INTS6: variants seen among roughly 807,000 people sequenced by gnomAD.
The protein encoded by INTS6 is DEAD box protein.
INTS6 carries 16 observed loss-of-function variants against 104.9 expected under a neutral mutation model. The observed-to-expected ratio is 0.15, with a 90% CI of 0.10 to 0.23. The LOEUF is 0.23. INTS6 is among the 10% of genes least tolerant of loss of function. The pLI is 1.00. For missense variants in INTS6, 584 were observed against 1,062.8 expected, an observed-to-expected ratio of 0.55 and a Z score of 6.26; for synonymous variants, 324 against 358.7, an observed-to-expected ratio of 0.90 and a Z score of 1.09.
chr13:51,361,984 A>G lies in INTS6; in HGVS notation c.*3768T>C. 1.2e-6 allele frequency: 2 copies of G among 1,610,966 alleles called. No homozygotes were observed. The highest frequency in any genetic ancestry group is 1.7e-6 in the Non-Finnish European group (2 of 1,178,240). On this transcript the variant is annotated 3_prime_UTR_variant, in exon 18 of 18. Coordinates refer to ENST00000311234, the MANE Select transcript of INTS6 (RefSeq NM_012141.3). ...TTTGTCCACTATCCCCTCAAAAATA[A>G]GCATTCTTTCTAGCTGTTTTTATGG...
At chr13:51,365,901 A>C in intron 17 of INTS6, 56 bp from the exon 18 acceptor site, 1 of 988,492 alleles carries the variant, frequency 1.0e-6, no homozygotes, top group Non-Finnish European at 1.5e-6. Flanking sequence ...AGTATATATC[A>C]GTATAATTTT....
chr13:51,384,666 A>G (rs1242880903), intron 7 of INTS6: 3 of 456,562 alleles, frequency 6.6e-6, no homozygotes, highest in Non-Finnish European at 1.3e-5. Context: ...GTTATTCTTG[A>G]TATCTTCCCC....
At chr13:51,383,163 A>C (rs1956084264) in intron 9 of INTS6, among the ~76,000 whole-genome samples, 166 bp downstream of exon 9, 1 of 141,512 alleles carries the variant, frequency 7.1e-6, no homozygotes, top group Non-Finnish European at 1.5e-5. Flanking sequence ...CTTTTAATTT[A>C]CTGTAAACAC....
At chr13:51,434,414 A>G (rs1957149309) in intron 3 of INTS6, among the ~76,000 whole-genome samples, 1 of 152,174 alleles carries the variant, frequency 6.6e-6, no homozygotes, top group African/African-American at 2.4e-5. Context: ...AAAGTCAGAT[A>G]AAGATCAAAC....
chr13:51,412,165 A>C (rs1956701190), intron 4 of INTS6, among the ~76,000 whole-genome samples: 1 of 152,220 alleles, frequency 6.6e-6, no homozygotes, highest in Admixed American at 6.5e-5. Flanking sequence ...TAGGAACTAC[A>C]AAGGGAAATG....
chr13:51,368,348 C>T (rs769212449), intron 16 of INTS6, among the ~76,000 whole-genome samples: 5 of 152,064 alleles, frequency 3.3e-5, no homozygotes, highest in Admixed American at 6.6e-5. Context: ...GGGCTATAAA[C>T]GTCTGAACTC....
chr13:51,449,555 T>C (rs772271738), intron 3 of INTS6: 615 of 984,880 alleles, frequency 6.2e-4, no homozygotes, highest in Non-Finnish European at 7.1e-4. Flanking sequence ...TGAAATGTGA[T>C]GCAGAAAAAG....
At position 51,389,440 on chromosome 13, in the gene INTS6, A is replaced by T. The variant is rs1566218279; in HGVS notation, c.618T>A (p.Arg206=). 1 of 1,602,128 alleles carries T rather than the reference A, an allele frequency of 6.2e-7. No individual in the cohort carries two copies. The part of the protein sequence containing the change: ...ITPMCEVTGG[R]SYSVCSPRML... ...TTCTTGGAGAACACACAGAATATGA[A>T]CGGCCTGAGATTAAAAAAAAGAAGA... Residue 206 remains arginine, a synonymous_variant, in exon 6 of 18, where the codon CGT becomes CGA. Coordinates refer to ENST00000311234, the MANE Select transcript of INTS6 (RefSeq NM_012141.3).
intron 11 of INTS6, among the ~76,000 whole-genome samples, chr13:51,378,706 T>C (rs1955983921): frequency 6.6e-6 from 1 of 152,050 alleles, no homozygotes; most frequent in Admixed American, 6.5e-5. Context: ...TATTATTTTA[T>C]TTATTAATAC....
At chr13:51,338,163 T>C in the INTS6 span, among the ~76,000 whole-genome samples, 1 of 152,228 alleles carries the variant, frequency 6.6e-6, no homozygotes, top group South Asian at 2.1e-4. Context: ...TTGGGAAATC[T>C]TTTTATAAGC....
intron 2 of INTS6, 51 bp from the exon 3 acceptor site, chr13:51,451,225 C>T (rs1462484190): frequency 1.4e-6 from 2 of 1,423,256 alleles, no homozygotes; most frequent in Non-Finnish European, 1.9e-6. Flanking sequence ...AAGCCATGTA[C>T]ACAGAGCCGT....
the INTS6 span, among the ~76,000 whole-genome samples, chr13:51,337,485 G>A: frequency 6.6e-6 from 1 of 152,160 alleles, no homozygotes; most frequent in Non-Finnish European, 1.5e-5. Context: ...AGTCTGGGCT[G>A]GCCATCGAAA....
At chr13:51,441,556 T>A (rs568551726) in intron 3 of INTS6, 59 of 152,280 alleles carry the variant, frequency 3.9e-4, no homozygotes, top group African/African-American at 1.4e-3. Flanking sequence ...AATGAAAATA[T>A]GGTAGTTAAC....
downstream of INTS6, chr13:51,354,027 T>C (rs1222809250): frequency 1.3e-5 from 2 of 152,198 alleles, no homozygotes; most frequent in African/African-American, 4.8e-5. Flanking sequence ...AGGCTTTAAG[T>C]TCCATTCTTT....
chr13:51,451,817 G>C (rs1057111005), intron 2 of INTS6, among the ~76,000 whole-genome samples, 161 bp downstream of exon 2: 12 of 150,452 alleles, frequency 8.0e-5, no homozygotes, highest in African/African-American at 2.9e-4. Context: ...GCTGCCGAGC[G>C]GGGGAGGGGG....
At chr13:51,436,310 T>A (rs1952685833) in intron 3 of INTS6, 1 of 152,118 alleles carries the variant, frequency 6.6e-6, no homozygotes, top group Admixed American at 6.5e-5. Context: ...TCTGCTAGAA[T>A]ATAAAAATCT....
the INTS6 span, chr13:51,347,213 C>T: frequency 1.2e-6 from 2 of 1,613,648 alleles, no homozygotes; most frequent in Non-Finnish European, 1.7e-6. Context: ...CATGATGCAC[C>T]AAACGACCGA....
intron 3 of INTS6, chr13:51,448,101 G>A (rs1435840526): frequency 6.6e-6 from 1 of 152,128 alleles, no homozygotes; most frequent in Non-Finnish European, 1.5e-5. Flanking sequence ...AGGATGACCT[G>A]TAACAATAAG....
At chr13:51,395,230 A>T in intron 5 of INTS6, 70 bp downstream of exon 5, 1 of 1,411,506 alleles carries the variant, frequency 7.1e-7, no homozygotes, top group Non-Finnish European at 9.6e-7. Flanking sequence ...GAGCTTTTGA[A>T]TGTACACTTT....
Sources: allele counts gnomAD v4.1 joint callset (sites outside exome capture counted in the v4.1 genomes callset), GRCh38; gene constraint gnomAD v4.1.1; transcripts MANE v1.5; gene names NCBI Gene and HGNC (gene_info 2026-07-23, HGNC 2026-07-21).